The following EPHA6 variants were observed in gnomAD, a reference collection of about 807,000 sequenced individuals.
The protein encoded by EPHA6 is EPH receptor A6, also known as ephrin type-A receptor 6.
In EPHA6, 50 loss-of-function variants were observed where a neutral mutation model predicts 112.0. That is an observed-to-expected ratio of 0.45 (90% CI 0.36 to 0.56). The LOEUF (loss-of-function observed/expected upper bound fraction) is 0.56. EPHA6 is among the 20% of genes least tolerant of loss of function. The pLI is 0.00. For missense variants in EPHA6, 1,280 were observed against 1,417.4 expected (o/e 0.90, Z 1.56); for synonymous variants, 529 against 490.7 (o/e 1.08, Z -1.03).
intron 2 of EPHA6, among the ~76,000 whole-genome samples, chr3:96,985,096 G>A (rs574472194): frequency 2.0e-5 from 3 of 152,178 alleles, no homozygotes; most frequent in East Asian, 1.9e-4. Context: ...AGATGAACCC[G>A]GTACCTCAGT....
chr3:97,625,532 T>C (rs1318073065), intron 13 of EPHA6, among the ~76,000 whole-genome samples: 1 of 151,730 alleles, frequency 6.6e-6, no homozygotes, highest in East Asian at 1.9e-4. Flanking sequence ...TGTACTTCTG[T>C]TAGATCTAGT....
intron 2 of EPHA6, among the ~76,000 whole-genome samples, chr3:96,942,492 C>T (rs535720116): frequency 1.1e-4 from 16 of 152,280 alleles, no homozygotes; most frequent in Admixed American, 2.0e-4. Context: ...GGGAGTGACC[C>T]GATTTTCCAG....
chr3:97,191,520 A>C (rs868485598), intron 3 of EPHA6, among the ~76,000 whole-genome samples: 5 of 151,614 alleles, frequency 3.3e-5, no homozygotes, highest in South Asian at 2.1e-4. Flanking sequence ...TATTTTTGTG[A>C]GTTCAATGGT....
At chr3:96,993,934 C>A (rs1401191108) in intron 3 of EPHA6, among the ~76,000 whole-genome samples, 1 of 152,140 alleles carries the variant, frequency 6.6e-6, no homozygotes, top group Non-Finnish European at 1.5e-5. Flanking sequence ...AAATCTGTAT[C>A]TAGTCATACT....
intron 5 of EPHA6, among the ~76,000 whole-genome samples, chr3:97,245,016 G>C (rs906478651): frequency 6.6e-6 from 1 of 151,968 alleles, no homozygotes. Flanking sequence ...CTCCTTTCGA[G>C]AAGTGTTCAT....
intron 4 of EPHA6, among the ~76,000 whole-genome samples, chr3:97,231,978 G>A (rs1159899362): frequency 6.6e-6 from 1 of 152,128 alleles, no homozygotes; most frequent in Non-Finnish European, 1.5e-5. Context: ...TATTTGTGCT[G>A]TGGGAATGAA....
At chr3:97,662,318 C>T (rs1290530857) in intron 14 of EPHA6, among the ~76,000 whole-genome samples, 1 of 152,052 alleles carries the variant, frequency 6.6e-6, no homozygotes, top group Non-Finnish European at 1.5e-5. Context: ...CGTTTTAAAA[C>T]AATATGCAGA....
At chr3:97,157,469 C>T (rs1435803283) in intron 3 of EPHA6, among the ~76,000 whole-genome samples, 2 of 152,010 alleles carry the variant, frequency 1.3e-5, no homozygotes, top group Non-Finnish European at 2.9e-5. Flanking sequence ...TGTATTTCAA[C>T]CCCTAAATTT....
At chr3:97,368,247 G>A (rs2084851185) in intron 5 of EPHA6, among the ~76,000 whole-genome samples, 1 of 151,954 alleles carries the variant, frequency 6.6e-6, no homozygotes, top group African/African-American at 2.4e-5. Flanking sequence ...TATTATTTGA[G>A]AAAAGAAAAT....
chr3:97,124,493 G>GAAAGAAAGAAAGAAAGAAAT (rs1559743060), intron 3 of EPHA6, among the ~76,000 whole-genome samples: 2 of 151,060 alleles, frequency 1.3e-5, no homozygotes, highest in African/African-American at 4.9e-5. Context: ...AAGAAAGAAA[G>GAAAGAAAGAAAGAAAGAAAT]AAAGAAAGAG....
chr3:96,817,693 C>T (rs1576039759), intron 1 of EPHA6, among the ~76,000 whole-genome samples: 1 of 151,836 alleles, frequency 6.6e-6, no homozygotes. Context: ...TGTTATATAT[C>T]TGTTTTACCA....
intron 3 of EPHA6, among the ~76,000 whole-genome samples, chr3:97,115,248 G>A (rs768924166): frequency 1.4e-4 from 21 of 151,776 alleles, no homozygotes; most frequent in Non-Finnish European, 2.2e-4. Context: ...GTCATATTAC[G>A]TAGAACAGAT....
intron 2 of EPHA6, among the ~76,000 whole-genome samples, chr3:96,936,086 A>G: frequency 6.6e-6 from 1 of 152,042 alleles, no homozygotes; most frequent in Non-Finnish European, 1.5e-5. Context: ...CCAGAACCTG[A>G]TGTTACTTCT....
intron 5 of EPHA6, among the ~76,000 whole-genome samples, chr3:97,261,285 A>AC (rs2079494326): frequency 1.3e-5 from 2 of 152,290 alleles, no homozygotes; most frequent in South Asian, 2.1e-4. Flanking sequence ...AAGTAAATGG[A>AC]CAGATTCATT....
chr3:97,193,015 G>A (rs1009824875), intron 3 of EPHA6, among the ~76,000 whole-genome samples: 8 of 152,010 alleles, frequency 5.3e-5, no homozygotes, highest in Non-Finnish European at 8.8e-5. Context: ...TTTTTATGCC[G>A]ACACTATGCT....
At chr3:96,835,111 A>G (rs1275202224) in intron 1 of EPHA6, among the ~76,000 whole-genome samples, 1 of 152,096 alleles carries the variant, frequency 6.6e-6, no homozygotes, top group Non-Finnish European at 1.5e-5. Context: ...TAAGTTGTAG[A>G]TTTGGAAATC....
chr3:97,747,959 T>A (rs917729742), intron 17 of EPHA6, among the ~76,000 whole-genome samples: 3 of 152,086 alleles, frequency 2.0e-5, no homozygotes, highest in African/African-American at 7.2e-5. Flanking sequence ...TCCTTCTAGA[T>A]ATTATAATGG....
chr3:97,438,999 C>A (rs755972601), intron 6 of EPHA6, among the ~76,000 whole-genome samples: 1 of 152,058 alleles, frequency 6.6e-6, no homozygotes, highest in African/African-American at 2.4e-5. Flanking sequence ...AAAAGCAGTT[C>A]GTTATCTATA....
At chr3:97,082,597 C>G (rs2046760388) in intron 3 of EPHA6, among the ~76,000 whole-genome samples, 1 of 151,828 alleles carries the variant, frequency 6.6e-6, no homozygotes, top group South Asian at 2.1e-4. Context: ...AACTTTTAAT[C>G]AATTCGAGGG....
Sources: gnomAD v4.1 joint callset for allele counts (sites outside exome capture counted in the v4.1 genomes callset) on GRCh38, gnomAD v4.1.1 for gene constraint, MANE v1.5 for transcripts, NCBI Gene and HGNC (gene_info 2026-07-23, HGNC 2026-07-21) for gene names.